JAG1: variants seen among roughly 807,000 people sequenced by gnomAD.
JAG1 encodes the protein protein jagged-1.
JAG1 carries 23 observed loss-of-function variants against 148.7 expected under a neutral mutation model. The observed-to-expected ratio is 0.15, with a 90% confidence interval of 0.11 to 0.22. JAG1 has a LOEUF of 0.22. Among genes scored for constraint, JAG1 ranks in the 10% least tolerant of loss-of-function variants. The pLI is 1.00. For synonymous variants in JAG1, 572 were observed against 598.3 expected, an observed-to-expected ratio of 0.96 and a Z score of 0.64; for missense variants, 1,054 against 1,611.2, an observed-to-expected ratio of 0.65 and a Z score of 5.92.
At chr20:10,659,034 C>A (rs906539291) in intron 3 of JAG1, among the ~76,000 whole-genome samples, 1 of 151,776 alleles carries the variant, frequency 6.6e-6, no homozygotes, top group South Asian at 2.1e-4. Context: ...ATTCCTTGAA[C>A]GTATCTGCCT....
intron 20 of JAG1, 25 bp downstream of exon 20, chr20:10,643,752 GA>G: frequency 6.3e-7 from 1 of 1,597,852 alleles, no homozygotes; most frequent in Non-Finnish European, 8.6e-7. Context: ...AAGCCATTGG[GA>G]AAACCAGACG....
chr20:10,657,118 C>G (rs2067384396), intron 4 of JAG1, among the ~76,000 whole-genome samples: 1 of 152,122 alleles, frequency 6.6e-6, no homozygotes, highest in Non-Finnish European at 1.5e-5. Flanking sequence ...ATAATCCCAA[C>G]ACTTTGGGAG....
chr20:10,672,657 G>A (rs765090630), intron 2 of JAG1, 44 bp downstream of exon 2: 93 of 1,590,268 alleles, frequency 5.8e-5, no homozygotes, highest in Non-Finnish European at 7.6e-5. Context: ...GGCCAGGCGC[G>A]GGTGTGAGGC....
chr20:10,649,255 G>T, intron 10 of JAG1, 148 bp from the exon 11 acceptor site: 1 of 678,728 alleles, frequency 1.5e-6, no homozygotes, highest in Non-Finnish European at 2.6e-6. Context: ...GCTGGGTGGG[G>T]ACCCTCCCTA....
intron 21 of JAG1, among the ~76,000 whole-genome samples, chr20:10,642,150 G>A (rs1259419563): frequency 6.6e-6 from 1 of 152,108 alleles, no homozygotes; most frequent in Non-Finnish European, 1.5e-5. Flanking sequence ...ACCCACTGGC[G>A]ATGAAAGGAA....
intron 3 of JAG1, 107 bp downstream of exon 3, chr20:10,663,856 G>GA: frequency 1.2e-6 from 1 of 856,026 alleles, no homozygotes; most frequent in Non-Finnish European, 2.0e-6. Context: ...AAGGCAAGAG[G>GA]TGGCAGAAAT....
intron 5 of JAG1, among the ~76,000 whole-genome samples, chr20:10,655,748 C>A (rs1036148292): frequency 6.6e-6 from 1 of 152,070 alleles, no homozygotes; most frequent in Non-Finnish European, 1.5e-5. Flanking sequence ...TCCAAACGGG[C>A]GTAATATAAA....
Position 10,673,548 on chromosome 20 carries a change from C to T in JAG1, c.-18G>A. On this transcript the variant is annotated 5_prime_UTR_variant, in exon 1 of 26. Transcript: ENST00000254958. The surrounding 1 kb of genome is among the most constrained non-coding windows in gnomAD (Gnocchi z 4.7). The stretch of plus-strand genomic sequence containing the variant: ...GAACGCATCGCTGCGCCGCGCGCCG[C>T]GGGCACTCGGGACGCCGCCGCTGCT... The T allele has an allele frequency of 1.6e-6, 2 of 1,229,372 alleles. No homozygotes were observed. The highest frequency in any genetic ancestry group is 2.0e-6 in the Non-Finnish European group (2 of 976,764). 76.2% of individuals were successfully genotyped at this position (1,229,372 alleles called of 1,614,324 possible).
At position 10,643,795 on chromosome 20, in the gene JAG1, C is replaced by T. The variant is rs1266932268; in HGVS notation, c.2441G>A (p.Gly814Glu). Reference protein sequence around the residue: ...YRCECAPGFAGPDCRININEC... With the variant: ...YRCECAPGFAEPDCRININEC... ...GTCCTTACTTATTCTGCAGTCGGGC[C>T]CAGCAAAACCCGGGGCACATTCGCA... The change falls in exon 20 of 26, where the codon GGG (glycine) becomes GAG (glutamate). Residue 814 changes from glycine to glutamate, a missense_variant. This residue lies in a region of JAG1 where 342 missense variants were observed against 514.6 expected (regional missense o/e 0.66). Transcript: ENST00000254958. 6.2e-7 allele frequency: 1 copy of T among 1,613,986 alleles called. No individual in the cohort carries two copies. Among genetic ancestry groups the T allele is most frequent in the South Asian group, 1.1e-5 (1 of 91,074 alleles).
intron 7 of JAG1, 23 bp from the exon 8 acceptor site, chr20:10,651,717 C>T: frequency 6.7e-7 from 1 of 1,489,952 alleles, no homozygotes; most frequent in Non-Finnish European, 9.4e-7. Context: ...GGATGGCAGT[C>T]AGAGAGGGAT....
At chr20:10,655,969 C>CT (rs1259907326) in intron 5 of JAG1, among the ~76,000 whole-genome samples, 1 of 152,136 alleles carries the variant, frequency 6.6e-6, no homozygotes, top group Non-Finnish European at 1.5e-5. Flanking sequence ...GGAGATTGGA[C>CT]TAATCCCATT....
At chr20:10,656,222 A>G (rs991214360) in intron 5 of JAG1, among the ~76,000 whole-genome samples, 176 bp downstream of exon 5, 1 of 152,242 alleles carries the variant, frequency 6.6e-6, no homozygotes, top group East Asian at 1.9e-4. Flanking sequence ...TGGTGTGTGC[A>G]TTCCACCAGA....
In JAG1 at chr20:10,649,619, C is replaced by T; in HGVS notation, c.1251G>A (p.Glu417=). The T allele has an allele frequency of 6.2e-7, 1 of 1,611,086 alleles. No homozygotes were observed. Among genetic ancestry groups the T allele is most frequent in the Non-Finnish European group, 8.5e-7 (1 of 1,177,260 alleles). Residue 417 remains glutamate, a synonymous_variant, in exon 10 of 26, where the codon GAG becomes GAA. Coordinates refer to ENST00000254958, the MANE Select transcript of JAG1 (RefSeq NM_000214.3). ...ATTTGGCGTTTACACAAGGTTTGGC[C>T]TCACATTCATTTGCATCTGAAAGGA... ...KTCQLDANEC[E]AKPCVNAKSC... is the part of the protein sequence containing the mutation.
At chr20:10,658,077 A>C (rs1299437047) in intron 4 of JAG1, among the ~76,000 whole-genome samples, 3 of 152,186 alleles carry the variant, frequency 2.0e-5, no homozygotes, top group African/African-American at 7.2e-5. Flanking sequence ...ATTTCAGCCT[A>C]ATCCCAGGGT....
In JAG1 at chr20:10,642,503, C is replaced by A. The variant is rs967515336; in HGVS notation, c.2557G>T (p.Ala853Ser). The A allele has an allele frequency of 6.2e-7, 1 of 1,609,976 alleles. No homozygotes were observed. ...GCACACATACCTTCCTGGCACTTGG[C>A]ACCACTGTGCCCTGGAGGGCAGACA... ...RCVCPPGHSG[A>S]KCQEVSGRPC... Residue 853 changes from alanine (A) to serine (S), a missense_variant, in exon 21 of 26, where the codon GCC becomes TCC. By Grantham distance (99) the Ala-to-Ser change is moderately conservative (BLOSUM62 1). Transcript: ENST00000254958.
In JAG1 at chr20:10,649,088, G is replaced by A. The variant is rs763798259; in HGVS notation, c.1368C>T (p.Gly456=). 1.9e-6 allele frequency: 3 copies of A among 1,608,466 alleles called. No individual in the cohort carries two copies. In the African/African-American group the frequency reaches 4.0e-5, roughly 21 times the overall value. ...NCDININDCL[G]QCQNDASCRD... ...GACAGGAGGCGTCATTCTGACACTGGCCAAGGCAGTCATTAATATCTAAAA... is the reference window on the plus strand; with the variant it reads ...GACAGGAGGCGTCATTCTGACACTGACCAAGGCAGTCATTAATATCTAAAA... The change falls in exon 11 of 26, where the codon GGC becomes GGT. Residue 456 remains glycine, a synonymous_variant. Transcript: ENST00000254958.
chr20:10,651,473 C>T, intron 8 of JAG1, 108 bp downstream of exon 8: 1 of 722,234 alleles, frequency 1.4e-6, no homozygotes, highest in East Asian at 2.7e-5. Context: ...TGCACCCGCC[C>T]CTCTCTCACC....
At chr20:10,651,917 A>G (rs1302507781) in intron 7 of JAG1, among the ~76,000 whole-genome samples, 1 of 152,184 alleles carries the variant, frequency 6.6e-6, no homozygotes, top group African/African-American at 2.4e-5. Context: ...AGCTGGGGTC[A>G]TTTCATCTCC....
chr20:10,637,876 C>G lies in JAG1; in HGVS notation c.*1622G>C, dbSNP rs2067243494. On this transcript the variant is annotated 3_prime_UTR_variant, in exon 26 of 26. Transcript: ENST00000254958. The stretch of plus-strand genomic sequence containing the variant: ...CCTCCATCCCTCTGTCAGGCAGAGC[C>G]TATTATACCCCGATTACCAGAACAG... 1 of 152,600 alleles carries G rather than the reference C, an allele frequency of 6.6e-6. No individual in the cohort carries two copies. The highest frequency in any genetic ancestry group is 2.4e-5 in the African/African-American group (1 of 41,472). 9.5% of individuals were successfully genotyped at this position (152,600 alleles called of 1,614,324 possible). A position where few individuals can be genotyped will look rare whatever the true frequency, so the allele number is the denominator to read the frequency against.
Sources: gnomAD v4.1 joint callset for allele counts (sites outside exome capture counted in the v4.1 genomes callset) on GRCh38, gnomAD v4.1.1 for gene constraint, gnomAD v4.1.1 regional missense constraint, Gnocchi (gnomAD v3.1) non-coding constraint, MANE v1.5 for transcripts, NCBI Gene and HGNC (gene_info 2026-07-23, HGNC 2026-07-21) for gene names.